The following PLCB1 variants were observed in gnomAD, a reference collection of about 807,000 sequenced individuals.
The protein encoded by PLCB1 is phospholipase C beta 1.
In PLCB1, 46 loss-of-function variants were observed where a neutral mutation model predicts 161.8. That is an observed-to-expected ratio of 0.28 (90% CI 0.22 to 0.36). The LOEUF is 0.36. Ranked by LOEUF, PLCB1 falls within the 10% of genes least tolerant of loss-of-function variation. PLCB1 has a pLI of 1.00. For missense variants in PLCB1, 1,016 were observed against 1,472.5 expected, an observed-to-expected ratio of 0.69 and a Z score of 5.07; for synonymous variants, 517 against 503.7, an observed-to-expected ratio of 1.03 and a Z score of -0.35.
At chr20:8,532,952 T>C (rs1275276654) in intron 3 of PLCB1, among the ~76,000 whole-genome samples, 14 of 152,136 alleles carry the variant, frequency 9.2e-5, no homozygotes, top group African/African-American at 2.2e-4. Context: ...CATGCTGGTG[T>C]GCTGCACCCA....
At chr20:8,477,511 T>G (rs1343576958) in intron 3 of PLCB1, among the ~76,000 whole-genome samples, 4 of 152,222 alleles carry the variant, frequency 2.6e-5, no homozygotes, top group Non-Finnish European at 2.9e-5. Flanking sequence ...AGCCCATTTT[T>G]GCTTTGTTGT....
chr20:8,794,374 C>G (rs1167573861), intron 31 of PLCB1, among the ~76,000 whole-genome samples: 1 of 152,168 alleles, frequency 6.6e-6, no homozygotes, highest in African/African-American at 2.4e-5. Context: ...ATTTGGGGAA[C>G]TAATAAATGT....
At chr20:8,302,674 A>G (rs182710397) in intron 2 of PLCB1, among the ~76,000 whole-genome samples, 2 of 152,300 alleles carry the variant, frequency 1.3e-5, no homozygotes. Context: ...CTGCTTGTAT[A>G]CAATGTAAGT....
chr20:8,863,829 A>T (rs1260998285), intron 31 of PLCB1, among the ~76,000 whole-genome samples: 14 of 150,972 alleles, frequency 9.3e-5, no homozygotes, highest in Non-Finnish European at 5.9e-5. Flanking sequence ...GGAATCTTCT[A>T]TCCAGAGTTG....
intron 3 of PLCB1, among the ~76,000 whole-genome samples, chr20:8,420,751 C>T (rs2087220214): frequency 6.6e-6 from 1 of 152,166 alleles, no homozygotes; most frequent in Non-Finnish European, 1.5e-5. Flanking sequence ...TTCAGCCCTG[C>T]ACATCAGGTC....
chr20:8,436,162 C>T (rs1283157602), intron 3 of PLCB1, among the ~76,000 whole-genome samples: 2 of 151,982 alleles, frequency 1.3e-5, no homozygotes, highest in African/African-American at 4.8e-5. Flanking sequence ...ATGACGAAAC[C>T]TGTCTCTACT....
intron 2 of PLCB1, among the ~76,000 whole-genome samples, chr20:8,159,119 C>T (rs2051594441): frequency 6.6e-6 from 1 of 152,196 alleles, no homozygotes; most frequent in African/African-American, 2.4e-5. Flanking sequence ...CCGAGACTCT[C>T]CATGAGAGCA....
chr20:8,511,447 A>G (rs1983890972), intron 3 of PLCB1, among the ~76,000 whole-genome samples: 1 of 152,206 alleles, frequency 6.6e-6, no homozygotes, highest in East Asian at 1.9e-4. Flanking sequence ...GGTTGGTTCC[A>G]TATCTTGCCT....
chr20:8,791,561 AT>A (rs1983758512), intron 31 of PLCB1, among the ~76,000 whole-genome samples: 1 of 152,062 alleles, frequency 6.6e-6, no homozygotes, highest in Non-Finnish European at 1.5e-5. Context: ...ACATAATAGA[AT>A]TTGCTTATGG....
At chr20:8,486,852 G>C (rs983914399) in intron 3 of PLCB1, among the ~76,000 whole-genome samples, 3 of 152,134 alleles carry the variant, frequency 2.0e-5, no homozygotes, top group African/African-American at 7.2e-5. Context: ...ATGACAAGCT[G>C]TATTTGTTTG....
chr20:8,744,209 A>C (rs571033713), intron 23 of PLCB1, among the ~76,000 whole-genome samples: 170 of 152,318 alleles, frequency 1.1e-3, no homozygotes, highest in South Asian at 6.2e-3. Flanking sequence ...TTTCAACTGG[A>C]TGAATTTTAT....
intron 3 of PLCB1, among the ~76,000 whole-genome samples, chr20:8,463,435 T>A (rs978734480): frequency 6.6e-6 from 1 of 152,090 alleles, no homozygotes; most frequent in Admixed American, 6.6e-5. Context: ...GCTCTAAAGA[T>A]ATATTGTTTA....
chr20:8,686,843 A>G (rs909373800), intron 10 of PLCB1, among the ~76,000 whole-genome samples: 1 of 152,126 alleles, frequency 6.6e-6, no homozygotes, highest in African/African-American at 2.4e-5. Flanking sequence ...GAAACAGACT[A>G]TTCTCCAGTG....
intron 3 of PLCB1, among the ~76,000 whole-genome samples, chr20:8,477,099 G>C (rs558290077): frequency 6.6e-6 from 1 of 152,154 alleles, no homozygotes; most frequent in African/African-American, 2.4e-5. Flanking sequence ...AACTAAATCA[G>C]AATCTCTGGG....
At chr20:8,158,565 C>G (rs993783329) in intron 2 of PLCB1, among the ~76,000 whole-genome samples, 6 of 152,098 alleles carry the variant, frequency 3.9e-5, no homozygotes, top group African/African-American at 1.2e-4. Flanking sequence ...CAACAGTCCC[C>G]CAAAGTCTTA....
chr20:8,317,061 G>GTGAA (rs550549229), intron 2 of PLCB1, among the ~76,000 whole-genome samples: 286 of 151,050 alleles, frequency 1.9e-3, no homozygotes, highest in African/African-American at 6.1e-3. Flanking sequence ...TAAATGCTAA[G>GTGAA]TGAATGAATG....
At chr20:8,861,694 C>T (rs1306709834) in intron 31 of PLCB1, among the ~76,000 whole-genome samples, 3 of 140,486 alleles carry the variant, frequency 2.1e-5, no homozygotes, top group African/African-American at 8.2e-5. Context: ...CGTGCCACTG[C>T]ACTCCAGCCT....
intron 31 of PLCB1, among the ~76,000 whole-genome samples, chr20:8,863,708 C>A (rs1222414784): frequency 6.6e-6 from 1 of 152,160 alleles, no homozygotes; most frequent in Non-Finnish European, 1.5e-5. Flanking sequence ...ACATTATATT[C>A]TTCAGATAAA....
At chr20:8,159,754 G>A (rs144119287) in intron 2 of PLCB1, among the ~76,000 whole-genome samples, 4 of 151,986 alleles carry the variant, frequency 2.6e-5, no homozygotes, top group Non-Finnish European at 4.4e-5. Context: ...TTGGGAGGCT[G>A]AGTTGGGTGG....
Sources: gnomAD v4.1 joint callset for allele counts (sites outside exome capture counted in the v4.1 genomes callset) on GRCh38, gnomAD v4.1.1 for gene constraint, MANE v1.5 for transcripts, NCBI Gene and HGNC (gene_info 2026-07-23, HGNC 2026-07-21) for gene names.